Variants in ERCC6L2 observed in about 807,000 individuals in gnomAD.
The protein encoded by ERCC6L2 is ERCC excision repair 6 like 2.
In ERCC6L2, 77 loss-of-function variants were observed where a neutral mutation model predicts 132.0. That is an observed-to-expected ratio of 0.58 (90% CI 0.49 to 0.71). The LOEUF is 0.71. ERCC6L2 is among the 30% of genes least tolerant of loss of function. The pLI, the probability that ERCC6L2 is intolerant of heterozygous loss-of-function variation, is 0.00. For missense variants in ERCC6L2, 1,542 were observed against 1,837.6 expected (o/e 0.84, Z 2.94); for synonymous variants, 583 against 632.4 (o/e 0.92, Z 1.17).
Position 95,978,170 on chromosome 9 carries a change from G to A in ERCC6L2, c.3447G>A (p.Lys1149=). 1 of 1,367,008 alleles carries A rather than the reference G, an allele frequency of 7.3e-7. No homozygotes were observed. The highest frequency in any genetic ancestry group is 1.1e-5 in the South Asian group (1 of 87,968). The allele number at this position is 1,367,008 out of a possible 1,614,324, so 84.7% of individuals were successfully genotyped here. A position where few individuals can be genotyped will look rare whatever the true frequency, so the allele number is the denominator to read the frequency against. ...RWAAHDVFEL[K]QFSQLPANIA... ...CAGCACATGACGTATTTGAGTTGAA[G>A]CAGTTTTCTCAGCTGCCTGCTAACA... is the stretch of plus-strand genomic sequence containing the variant. Residue 1149 remains lysine, a synonymous_variant, in exon 17 of 19, where the codon AAG becomes AAA. Transcript: ENST00000653738.
intron 17 of ERCC6L2, among the ~76,000 whole-genome samples, chr9:95,987,409 A>G (rs1375845611): frequency 6.6e-6 from 1 of 152,232 alleles, no homozygotes; most frequent in Non-Finnish European, 1.5e-5. Context: ...GGATAAATAC[A>G]CCCATTCCAA....
intron 2 of ERCC6L2, among the ~76,000 whole-genome samples, chr9:95,882,191 A>G (rs1587836352): frequency 6.6e-6 from 1 of 152,256 alleles, no homozygotes; most frequent in Non-Finnish European, 1.5e-5. Flanking sequence ...AAGAGACAGC[A>G]CTAGTAAAAC....
intron 12 of ERCC6L2, among the ~76,000 whole-genome samples, chr9:95,944,885 A>G (rs986217821): frequency 6.6e-6 from 1 of 152,188 alleles, no homozygotes; most frequent in Non-Finnish European, 1.5e-5. Flanking sequence ...CAGAGATCAC[A>G]TCCTTCACAA....
chr9:95,883,782 T>C lies in ERCC6L2; in HGVS notation c.471+2489T>C, dbSNP rs1384860066. On this transcript the variant is annotated intron_variant, in intron 2 of 18. Coordinates refer to ENST00000653738, the MANE Select transcript of ERCC6L2 (RefSeq NM_020207.7). Reference sequence around the variant, plus strand: ...CCAAGGCAGGAGAATCTCTTGAACCTGGGAGGCAGAGGTTGCAGTAAGTCG... The same window carrying C: ...CCAAGGCAGGAGAATCTCTTGAACCCGGGAGGCAGAGGTTGCAGTAAGTCG... Among the ~76,000 whole-genome samples, 3 of 152,200 alleles carry C rather than the reference T, an allele frequency of 2.0e-5. No individual in the cohort carries two copies. The East Asian group carries it at 5.8e-4, about 29-fold the overall frequency.
chr9:96,011,871 T>G (rs1834036481), intron 18 of ERCC6L2, among the ~76,000 whole-genome samples: 1 of 152,230 alleles, frequency 6.6e-6, no homozygotes, highest in Non-Finnish European at 1.5e-5. Context: ...CAATATAGAT[T>G]TTCAAGTACA....
intron 9 of ERCC6L2, among the ~76,000 whole-genome samples, chr9:95,927,674 A>G (rs1262800469): frequency 1.3e-5 from 2 of 152,216 alleles, no homozygotes; most frequent in African/African-American, 4.8e-5. Flanking sequence ...ATTTCATTAC[A>G]TCCATCTAGG....
In ERCC6L2 at chr9:96,012,725, G is replaced by A. The variant is rs143901137; in HGVS notation, c.4175G>A (p.Arg1392His). 3.5e-5 allele frequency: 48 copies of A among 1,367,510 alleles called. No homozygotes were observed. The African/African-American group carries it at 4.3e-4, about 12-fold the overall frequency. 84.7% of individuals were successfully genotyped at this position (1,367,510 alleles called of 1,614,324 possible). ...SRSLNSESET[R>H]ERRLENTMKD... ...TCTCTGAACAGTGAGTCTGAAACAC[G>A]TGAGAGAAGGTTAGAAAATACCATG... The change falls in exon 19 of 19, where the codon CGT becomes CAT. Residue 1392 changes from arginine to histidine, a missense_variant. Arg to His is a conservative substitution (Grantham distance 29). Around this residue, in one of 4 missense-constraint regions of ERCC6L2, gnomAD observed 442 missense variants for 583.4 expected, o/e 0.76. Coordinates refer to ENST00000653738, the MANE Select transcript of ERCC6L2 (RefSeq NM_020207.7).
chr9:95,886,077 G>A (rs568764146), intron 2 of ERCC6L2, among the ~76,000 whole-genome samples: 11 of 152,196 alleles, frequency 7.2e-5, no homozygotes, highest in Admixed American at 1.3e-4. Flanking sequence ...GTGCAGTAGC[G>A]AGATCTCGGC....
At position 95,916,325 on chromosome 9, in the gene ERCC6L2, TAGCC is replaced by T. The variant is rs1829586683; in HGVS notation, c.1051_1054del (p.Ala351LeufsTer41). The T allele has an allele frequency of 2.5e-6, 4 of 1,613,960 alleles. No individual in the cohort carries two copies. Among genetic ancestry groups the T allele is most frequent in the Non-Finnish European group, 2.5e-6 (3 of 1,179,998 alleles). ...AGACACACGGCAACAAAGAGAGAAC[TAGCC>T]ACTGGCCGAAAGGCCATGCAAAGAC... On this transcript the variant is annotated frameshift_variant, in exon 6 of 19. Coordinates refer to ENST00000653738, the MANE Select transcript of ERCC6L2 (RefSeq NM_020207.7). LOFTEE classifies it high-confidence loss of function.
chr9:95,963,460 A>AT (rs1832007178), intron 13 of ERCC6L2, among the ~76,000 whole-genome samples: 2 of 152,102 alleles, frequency 1.3e-5, no homozygotes. Context: ...TTAAATATAC[A>AT]TAAAAACCAG....
At chr9:95,969,328 A>G (rs2133066159) in intron 14 of ERCC6L2, among the ~76,000 whole-genome samples, 1 of 152,316 alleles carries the variant, frequency 6.6e-6, no homozygotes, top group Middle Eastern at 3.4e-3. Flanking sequence ...TAGAAGTACA[A>G]GGACAGAAGC....
chr9:95,984,621 TTTA>T (rs1275079956), intron 17 of ERCC6L2, among the ~76,000 whole-genome samples: 1 of 152,144 alleles, frequency 6.6e-6, no homozygotes, highest in African/African-American at 2.4e-5. Context: ...TTTCAAATTT[TTTA>T]TTATGATTAT....
rs774414641 is a variant in ERCC6L2, at chr9:95,966,639, A to G, written c.2025A>G (p.Gln675=). The G allele has an allele frequency of 7.8e-6, 12 of 1,546,976 alleles. No individual in the cohort carries two copies. The highest frequency in any genetic ancestry group is 6.7e-5 in the African/African-American group (5 of 74,160). ...FEAVQGSKEH[Q]GELFGIHNLF... ...CAGTTCAAGGATCTAAAGAGCATCA[A>G]GGAGAGCTTTTTGGGATCCATAACC... Residue 675 remains glutamine (Q), a synonymous_variant, in exon 14 of 19, where the codon CAA becomes CAG. Coordinates refer to ENST00000653738, the MANE Select transcript of ERCC6L2 (RefSeq NM_020207.7).
chr9:96,015,211 G>A lies in ERCC6L2; in HGVS notation c.*2008G>A, dbSNP rs1167809535. On this transcript the variant is annotated 3_prime_UTR_variant, in exon 19 of 19. Transcript: ENST00000653738. The stretch of plus-strand genomic sequence containing the variant: ...AAACATTTTTTTTTTTTTTTGAGAC[G>A]GAGTCTCACTCTGTCGCCAGGCTGG... Among the ~76,000 whole-genome samples the A allele has an allele frequency of 9.6e-5, 14 of 145,468 alleles. No homozygotes were observed. The highest frequency in any genetic ancestry group is 1.7e-4 in the Non-Finnish European group (11 of 66,256).
At chr9:95,967,839 T>G (rs1462398350) in intron 14 of ERCC6L2, 1 of 152,172 alleles carries the variant, frequency 6.6e-6, no homozygotes. Context: ...TCAATAACTT[T>G]GTTTGCCCTC....
At chr9:95,965,706 C>T (rs187591700) in intron 13 of ERCC6L2, among the ~76,000 whole-genome samples, 9 of 152,030 alleles carry the variant, frequency 5.9e-5, no homozygotes, top group African/African-American at 2.2e-4. Context: ...GGTTTCACCA[C>T]GTCGACCAGG....
At chr9:95,938,932 T>G (rs1830676298) in intron 11 of ERCC6L2, among the ~76,000 whole-genome samples, 2 of 151,912 alleles carry the variant, frequency 1.3e-5, no homozygotes, top group Non-Finnish European at 2.9e-5. Context: ...ATGTATAGTG[T>G]TTTTTAGTGT....
intron 19 of ERCC6L2, among the ~76,000 whole-genome samples, chr9:96,023,835 A>C (rs925590029): frequency 3.9e-5 from 6 of 152,216 alleles, no homozygotes; most frequent in Non-Finnish European, 8.8e-5. Context: ...ACTTGAAACA[A>C]TTGTGATGAT....
At chr9:96,002,182 A>G (rs561627893) in intron 17 of ERCC6L2, among the ~76,000 whole-genome samples, 2 of 152,288 alleles carry the variant, frequency 1.3e-5, no homozygotes, top group Admixed American at 6.5e-5. Context: ...GCAGTGGGGG[A>G]CTGAAGGGCT....
Sources: gnomAD v4.1 joint callset for allele counts (sites outside exome capture counted in the v4.1 genomes callset) on GRCh38, gnomAD v4.1.1 for gene constraint, gnomAD v4.1.1 regional missense constraint, MANE v1.5 for transcripts, NCBI Gene and HGNC (gene_info 2026-07-23, HGNC 2026-07-21) for gene names.